Variants in ICE1 observed in about 807,000 individuals in gnomAD.
ICE1 encodes interactor of little elongation complex ELL subunit 1.
In ICE1, 64 loss-of-function variants were observed where a neutral mutation model predicts 192.7. The ratio of observed to expected loss-of-function variants is 0.33; its 90% CI spans 0.27 to 0.41. The LOEUF (loss-of-function observed/expected upper bound fraction) is 0.41. Among genes scored for constraint, ICE1 ranks in the 10% least tolerant of loss-of-function variants. The pLI, the probability that ICE1 is intolerant of heterozygous loss-of-function variation, is 1.00. For synonymous variants in ICE1, 1,010 were observed against 984.5 expected (o/e 1.03, Z -0.49); for missense variants, 2,708 against 2,696.0 (o/e 1.00, Z -0.10).
rs1409781025 is a variant in ICE1, at chr5:5,486,782, G to A, written c.6582G>A (p.Ser2194=). 1.2e-6 allele frequency: 2 copies of A among 1,601,400 alleles called. No homozygotes were observed. The highest frequency in any genetic ancestry group is 8.5e-7 in the Non-Finnish European group (1 of 1,173,262). Residue 2194 remains serine (S), a synonymous_variant, in exon 18 of 19, where the codon TCG becomes TCA. Transcript: ENST00000296564. Reference sequence around the variant, plus strand: ...CATCTGCTGTGAAAAATATTAGTTCGGTTATTGGTATGTTTATACAGCATG... The same window carrying A: ...CATCTGCTGTGAAAAATATTAGTTCAGTTATTGGTATGTTTATACAGCATG... The part of the protein sequence containing the change: ...GFPSAVKNIS[S]VIGMFIQHAH...
Position 5,457,516 on chromosome 5 carries a change from TA to T in ICE1, c.877del (p.Ser293ValfsTer15). 1 of 1,614,000 alleles carries T rather than the reference TA, an allele frequency of 6.2e-7. No individual in the cohort carries two copies. The highest frequency in any genetic ancestry group is 8.5e-7 in the Non-Finnish European group (1 of 1,179,866). On this transcript the variant is annotated frameshift_variant, in exon 12 of 19. Coordinates refer to ENST00000296564, the MANE Select transcript of ICE1 (RefSeq NM_015325.3). LOFTEE classifies it high-confidence loss of function. ...AACAGAGCTCCAGTGGAACAAATTG[TA>T]GTTCTGACCATGTTTTTAATGAGAA... ...EKQSSSGTNC[S>X]SDHVFNENGN... is the part of the protein sequence containing the mutation.
At chr5:5,437,007 A>G in intron 2 of ICE1, 73 bp from the exon 3 acceptor site, 1 of 982,428 alleles carries the variant, frequency 1.0e-6, no homozygotes, top group Non-Finnish European at 1.6e-6. Context: ...CCTTGCATGG[A>G]TTGAAACATA....
At chr5:5,480,302 T>A (rs1739469332) in intron 17 of ICE1, among the ~76,000 whole-genome samples, 1 of 146,562 alleles carries the variant, frequency 6.8e-6, no homozygotes, top group Admixed American at 7.3e-5. Context: ...CAGGCTGGAG[T>A]GCAGTGGCAC....
intron 10 of ICE1, among the ~76,000 whole-genome samples, chr5:5,450,285 A>G (rs1738375613): frequency 1.3e-5 from 2 of 152,256 alleles, no homozygotes; most frequent in African/African-American, 4.8e-5. Flanking sequence ...AATTGTATAA[A>G]TAAACCCAGT....
rs1317090607 is a variant in ICE1 at position 5,457,526 on chromosome 5, C to T, written c.886C>T (p.His296Tyr). Residue 296 changes from histidine (H) to tyrosine (Y), a missense_variant, in exon 12 of 19, where the codon CAT becomes TAT. Transcript: ENST00000296564. Reference protein sequence around the residue: ...SSSGTNCSSDHVFNENGNLEV... With the variant: ...SSSGTNCSSDYVFNENGNLEV... Reference sequence around the variant, plus strand: ...CAGTGGAACAAATTGTAGTTCTGACCATGTTTTTAATGAGAATGGAAATCT... The same window carrying T: ...CAGTGGAACAAATTGTAGTTCTGACTATGTTTTTAATGAGAATGGAAATCT... The T allele has an allele frequency of 1.2e-6, 2 of 1,613,738 alleles. No individual in the cohort carries two copies. Among genetic ancestry groups the T allele is most frequent in the African/African-American group, 1.3e-5 (1 of 74,902 alleles).
intron 1 of ICE1, among the ~76,000 whole-genome samples, chr5:5,431,797 T>C (rs925971823): frequency 6.6e-6 from 1 of 152,134 alleles, no homozygotes; most frequent in Non-Finnish European, 1.5e-5. Flanking sequence ...AATTAGAAAT[T>C]TCTAGATTTG....
intron 16 of ICE1, among the ~76,000 whole-genome samples, chr5:5,474,018 G>A (rs909464285): frequency 6.6e-6 from 1 of 152,010 alleles, no homozygotes; most frequent in Non-Finnish European, 1.5e-5. Flanking sequence ...AGACCACCCT[G>A]GCTAACATGA....
intron 10 of ICE1, among the ~76,000 whole-genome samples, chr5:5,448,942 C>T (rs1440885705): frequency 6.6e-6 from 1 of 152,176 alleles, no homozygotes; most frequent in Admixed American, 6.5e-5. Context: ...ATAGTTACTG[C>T]TGAGAGAAAT....
rs913305984 is a variant in ICE1 at position 5,461,865 on chromosome 5, C to T, written c.2531C>T (p.Pro844Leu). ...GATCTTCTTAGAGAAAATAACAATC[C>T]TGTAGAATTCAAGACCACTGCATCG... ...KPDLLRENNNPVEFKTTASVL... is the reference protein window; with the variant it reads ...KPDLLRENNNLVEFKTTASVL... The change falls in exon 13 of 19, where the codon CCT (proline) becomes CTT (leucine). Residue 844 changes from proline to leucine, a missense_variant. Physicochemically the swap from Pro to Leu is moderately conservative, Grantham distance 98. Coordinates refer to ENST00000296564, the MANE Select transcript of ICE1 (RefSeq NM_015325.3). 1 of 1,613,922 alleles carries T rather than the reference C, an allele frequency of 6.2e-7. No homozygotes were observed. Among genetic ancestry groups the T allele is most frequent in the East Asian group, 2.2e-5 (1 of 44,882 alleles).
chr5:5,436,616 TC>T (rs1488052915), intron 2 of ICE1, 140 bp downstream of exon 2: 2 of 470,296 alleles, frequency 4.3e-6, no homozygotes, highest in Admixed American at 4.1e-5. Context: ...TGATTATAAT[TC>T]CCCGTGAGCT....
chr5:5,447,742 A>G lies in ICE1; in HGVS notation c.529A>G (p.Lys177Glu). ...KTQERLDEFS[K>E]QKNEKELRHI... ...ACAGGAAAGGCTTGACGAATTTTCT[A>G]AACAGAAAAATGAAAAGGGTGAGTA... Residue 177 changes from lysine (K) to glutamate (E), a missense_variant, in exon 9 of 19, where the codon AAA (lysine) becomes GAA (glutamate). Physicochemically the swap from Lys to Glu is moderately conservative, Grantham distance 56. Around this residue, in one of 2 missense-constraint regions of ICE1, gnomAD observed 2,366 missense variants for 2,276.6 expected, o/e 1.04. Transcript: ENST00000296564. 1 of 1,584,860 alleles carries G rather than the reference A, an allele frequency of 6.3e-7. No individual in the cohort carries two copies. The highest frequency in any genetic ancestry group is 8.6e-7 in the Non-Finnish European group (1 of 1,163,320).
rs534041031 is a variant in ICE1, at chr5:5,474,312, T to G, written c.6413+564T>G. Among the ~76,000 whole-genome samples the G allele has an allele frequency of 3.5e-4, 54 of 152,198 alleles. 1 individual carries two copies. The highest frequency in any genetic ancestry group is 2.0e-3 in the Admixed American group (31 of 15,288). On this transcript the variant is annotated intron_variant, in intron 16 of 18. Transcript: ENST00000296564. Reference sequence around the variant, plus strand: ...ACTAGTTTTTGTTCAATTCTGCTATTGTCATCTCTCTCCCCAGTAGAAATG... The same window carrying G: ...ACTAGTTTTTGTTCAATTCTGCTATGGTCATCTCTCTCCCCAGTAGAAATG...
intron 1 of ICE1, among the ~76,000 whole-genome samples, chr5:5,432,091 GTTCAA>G (rs911426386): frequency 1.3e-5 from 2 of 151,818 alleles, no homozygotes; most frequent in African/African-American, 4.8e-5. Context: ...ATACAATTCA[GTTCAA>G]TTCACAGAGT....
In ICE1 at chr5:5,489,451, AC is replaced by A; in HGVS notation, c.*123del. On this transcript the variant is annotated 3_prime_UTR_variant, in exon 19 of 19. Transcript: ENST00000296564. ...AAAAGACATAAAATAGATAAAACAGACCAGAGGCTCTCCTTATTGTTTGGCA... is the reference window on the plus strand; with the variant it reads ...AAAAGACATAAAATAGATAAAACAGACAGAGGCTCTCCTTATTGTTTGGCA... 1 of 832,558 alleles carries A rather than the reference AC, an allele frequency of 1.2e-6. No homozygotes were observed. The highest frequency in any genetic ancestry group is 1.8e-6 in the Non-Finnish European group (1 of 557,410). 51.6% of individuals were successfully genotyped at this position (832,558 alleles called of 1,614,324 possible). A position where few individuals can be genotyped will look rare whatever the true frequency, so the allele number is the denominator to read the frequency against.
chr5:5,459,881 T>G (rs897895729), intron 12 of ICE1, among the ~76,000 whole-genome samples: 1 of 151,806 alleles, frequency 6.6e-6, no homozygotes, highest in African/African-American at 2.4e-5. Context: ...GGAGAAAGCT[T>G]TGTAAGGGTA....
At chr5:5,431,366 T>G (rs1348282730) in intron 1 of ICE1, among the ~76,000 whole-genome samples, 1 of 152,234 alleles carries the variant, frequency 6.6e-6, no homozygotes, top group Non-Finnish European at 1.5e-5. Flanking sequence ...TTTCATTTTC[T>G]TCTCCCTTCG....
chr5:5,477,757 C>CA (rs1258669315), intron 17 of ICE1, among the ~76,000 whole-genome samples: 2 of 152,212 alleles, frequency 1.3e-5, no homozygotes, highest in East Asian at 3.8e-4. Context: ...AAACCAAATC[C>CA]AGCAGCATAT....
intron 17 of ICE1, among the ~76,000 whole-genome samples, chr5:5,479,670 A>G (rs1226999372): frequency 1.3e-5 from 2 of 152,236 alleles, no homozygotes; most frequent in Non-Finnish European, 2.9e-5. Flanking sequence ...CACTATTTAC[A>G]ATAGCAAAGA....
chr5:5,479,709 G>A (rs1739440891), intron 17 of ICE1, among the ~76,000 whole-genome samples: 1 of 152,190 alleles, frequency 6.6e-6, no homozygotes, highest in African/African-American at 2.4e-5. Flanking sequence ...GTCCATCAGT[G>A]AGAGACTGGA....
Sources: gnomAD v4.1 joint callset for allele counts (sites outside exome capture counted in the v4.1 genomes callset) on GRCh38, gnomAD v4.1.1 for gene constraint, gnomAD v4.1.1 regional missense constraint, MANE v1.5 for transcripts, NCBI Gene and HGNC (gene_info 2026-07-23, HGNC 2026-07-21) for gene names.